AASDHPPT: variants seen among roughly 807,000 people sequenced by gnomAD.
The protein encoded by AASDHPPT is L-aminoadipate-semialdehyde dehydrogenase-phosphopantetheinyl transferase.
AASDHPPT carries 23 observed loss-of-function variants against 36.4 expected under a neutral mutation model. The observed-to-expected ratio is 0.63, with a 90% CI of 0.45 to 0.89. The LOEUF is 0.89. Among genes scored for constraint, AASDHPPT ranks in the 40% least tolerant of loss-of-function variants. The pLI, the probability that AASDHPPT is intolerant of heterozygous loss-of-function variation, is 0.00. For synonymous variants in AASDHPPT, 115 were observed against 128.0 expected (o/e 0.90, Z 0.68); for missense variants, 377 against 378.2 (o/e 1.00, Z 0.03).
In AASDHPPT at chr11:106,094,672, C is replaced by G. The variant is rs760165467; in HGVS notation, c.765+18C>G. 1 of 1,569,638 alleles carries G rather than the reference C, an allele frequency of 6.4e-7. No homozygotes were observed. The highest frequency in any genetic ancestry group is 2.3e-5 in the East Asian group (1 of 44,136). On this transcript the variant is annotated intron_variant, in intron 5 of 5. Coordinates refer to ENST00000278618, the MANE Select transcript of AASDHPPT (RefSeq NM_015423.3). ...ATCAGGATGTAAGATTTTAGGATTT[C>G]TCTTTTTTCTAAATAGCATGAATCA...
At chr11:106,092,010 G>A (rs1861261287) in intron 4 of AASDHPPT, 1 of 152,122 alleles carries the variant, frequency 6.6e-6, no homozygotes, top group Admixed American at 6.6e-5. Flanking sequence ...AGCTCTTTTT[G>A]TCTCCTAGTT....
At chr11:106,093,702 T>A (rs1861280390) in intron 4 of AASDHPPT, 1 of 152,192 alleles carries the variant, frequency 6.6e-6, no homozygotes, top group Admixed American at 6.5e-5. Context: ...AAGTGGTTTT[T>A]CAGTGAAAAG....
chr11:106,080,831 C>T (rs1326853968), intron 2 of AASDHPPT, among the ~76,000 whole-genome samples: 3 of 152,186 alleles, frequency 2.0e-5, no homozygotes, highest in Non-Finnish European at 4.4e-5. Flanking sequence ...TTAATTTTAT[C>T]TCTCACTCCC....
chr11:106,091,309 A>G lies in AASDHPPT; in HGVS notation c.532-7A>G, dbSNP rs759904361. On this transcript the variant is annotated splice_region_variant and splice_polypyrimidine_tract_variant and intron_variant, in intron 3 of 5. Transcript: ENST00000278618. Reference sequence around the variant, plus strand: ...ATTCTAAGAGAAAATGTCTTTCTGTATCTTAGGCACTTAAGGAAAGCTTCA... The same window carrying G: ...ATTCTAAGAGAAAATGTCTTTCTGTGTCTTAGGCACTTAAGGAAAGCTTCA... The G allele has an allele frequency of 3.2e-6, 5 of 1,582,848 alleles. No homozygotes were observed. The highest frequency in any genetic ancestry group is 1.2e-5 in the South Asian group (1 of 85,156).
intron 3 of AASDHPPT, 96 bp from the exon 4 acceptor site, chr11:106,091,220 G>C: frequency 9.8e-7 from 1 of 1,021,784 alleles, no homozygotes; most frequent in Non-Finnish European, 1.4e-6. Flanking sequence ...CCATAATGTA[G>C]TATAGCATTG....
At chr11:106,086,617 C>A (rs1325482245) in intron 2 of AASDHPPT, among the ~76,000 whole-genome samples, 1 of 152,074 alleles carries the variant, frequency 6.6e-6, no homozygotes, top group Non-Finnish European at 1.5e-5. Flanking sequence ...AATTCTCAGC[C>A]CATTCCAGCA....
Position 106,077,780 on chromosome 11 carries a change from G to C in AASDHPPT, c.70G>C (p.Gly24Arg), listed in dbSNP as rs753397859. 21 of 1,614,050 alleles carry C rather than the reference G, an allele frequency of 1.3e-5. No homozygotes were observed. The highest frequency in any genetic ancestry group is 1.7e-5 in the Non-Finnish European group (20 of 1,180,024). Reference sequence around the variant, plus strand: ...GGGCGTGCGCTGGGCCTTTTCCTGCGGCACTTGGCTGCCGAGCCGAGCCGA... The same window carrying C: ...GGGCGTGCGCTGGGCCTTTTCCTGCCGCACTTGGCTGCCGAGCCGAGCCGA... Reference protein sequence around the residue: ...MEGVRWAFSCGTWLPSRAEWL... With the variant: ...MEGVRWAFSCRTWLPSRAEWL... Residue 24 changes from glycine (G) to arginine (R), a missense_variant, in exon 1 of 6, where the codon GGC (glycine) becomes CGC (arginine). By Grantham distance (125) the Gly-to-Arg change is moderately radical. Coordinates refer to ENST00000278618, the MANE Select transcript of AASDHPPT (RefSeq NM_015423.3).
chr11:106,087,821 T>C (rs1009047064), intron 2 of AASDHPPT, among the ~76,000 whole-genome samples: 5 of 152,184 alleles, frequency 3.3e-5, no homozygotes, highest in Non-Finnish European at 7.4e-5. Context: ...GATCAGGTTT[T>C]TCTAAATTTG....
intron 1 of AASDHPPT, 103 bp from the exon 2 acceptor site, chr11:106,079,363 TA>T: frequency 9.9e-7 from 1 of 1,010,952 alleles, no homozygotes; most frequent in African/African-American, 1.6e-5. Context: ...TGAAAAGTTT[TA>T]AAAATGAAAA....
chr11:106,079,951 A>C (rs1480668280), intron 2 of AASDHPPT, among the ~76,000 whole-genome samples: 9 of 152,212 alleles, frequency 5.9e-5, no homozygotes, highest in Admixed American at 5.9e-4. Flanking sequence ...ATATTAAGTG[A>C]AATTTTTTTT....
Position 106,097,060 on chromosome 11 carries a change from G to T in AASDHPPT, c.*153G>T, listed in dbSNP as rs1591546700. 2.9e-6 allele frequency: 2 copies of T among 697,880 alleles called. No individual in the cohort carries two copies. Among genetic ancestry groups the T allele is most frequent in the East Asian group, 3.1e-5 (1 of 32,020 alleles). The allele number at this position is 697,880 out of a possible 1,614,324, so 43.2% of individuals were successfully genotyped here. A position where few individuals can be genotyped will look rare whatever the true frequency, so the allele number is the denominator to read the frequency against. On this transcript the variant is annotated 3_prime_UTR_variant, in exon 6 of 6. Transcript: ENST00000278618. ...ATTAAAAAAAAAAAGCAGACTTCTG[G>T]TTCAAGATAGCTCACTGGAATACAT...
chr11:106,089,155 G>A (rs991656727), intron 2 of AASDHPPT, among the ~76,000 whole-genome samples: 2 of 152,016 alleles, frequency 1.3e-5, no homozygotes, highest in East Asian at 3.9e-4. Context: ...TCTAATTGTT[G>A]AATTCTCATA....
At chr11:106,078,598 C>A (rs1042487623) in intron 1 of AASDHPPT, among the ~76,000 whole-genome samples, 2 of 152,056 alleles carry the variant, frequency 1.3e-5, no homozygotes, top group Non-Finnish European at 2.9e-5. Flanking sequence ...AAAAATGTCC[C>A]ATATTGAAAC....
At chr11:106,079,064 G>A (rs1188729769) in intron 1 of AASDHPPT, among the ~76,000 whole-genome samples, 9 of 152,142 alleles carry the variant, frequency 5.9e-5, no homozygotes, top group African/African-American at 1.9e-4. Context: ...AAAACTGCAT[G>A]GACCAGACGT....
At chr11:106,077,965 A>C (rs951706841) in intron 1 of AASDHPPT, 72 bp downstream of exon 1, 122 of 1,494,056 alleles carry the variant, frequency 8.2e-5, no homozygotes, top group Admixed American at 4.9e-4. Context: ...GGCTGTGGAG[A>C]CCCGACACTC....
At chr11:106,080,231 G>A (rs1047501827) in intron 2 of AASDHPPT, among the ~76,000 whole-genome samples, 2 of 152,100 alleles carry the variant, frequency 1.3e-5, no homozygotes, top group Admixed American at 6.5e-5. Flanking sequence ...GAAACCTGAG[G>A]ATGTGGAGGG....
intron 2 of AASDHPPT, among the ~76,000 whole-genome samples, chr11:106,085,169 T>C (rs1338668622): frequency 3.9e-5 from 6 of 152,132 alleles, no homozygotes; most frequent in Non-Finnish European, 1.5e-5. Context: ...TGGCGTGATC[T>C]TGGCTTACTG....
intron 2 of AASDHPPT, among the ~76,000 whole-genome samples, chr11:106,088,634 G>A (rs1398970043): frequency 6.6e-6 from 1 of 151,974 alleles, no homozygotes; most frequent in East Asian, 1.9e-4. Flanking sequence ...TGTTCTTTAA[G>A]ATGTTACTTA....
At chr11:106,078,038 G>C (rs1313910187) in intron 1 of AASDHPPT, 145 bp downstream of exon 1, 10 of 1,125,938 alleles carry the variant, frequency 8.9e-6, no homozygotes, top group Non-Finnish European at 1.2e-5. Flanking sequence ...AGCAGCCGGC[G>C]CTGCGGAGTT....
Sources: allele counts gnomAD v4.1 joint callset (sites outside exome capture counted in the v4.1 genomes callset), GRCh38; gene constraint gnomAD v4.1.1; transcripts MANE v1.5; gene names NCBI Gene and HGNC (gene_info 2026-07-23, HGNC 2026-07-21).